Variants in CSGALNACT1 observed in about 807,000 individuals in gnomAD.
CSGALNACT1 encodes the protein chondroitin sulfate N-acetylgalactosaminyltransferase 1.
CSGALNACT1 carries 52 observed loss-of-function variants against 51.0 expected under a neutral mutation model. The ratio of observed to expected loss-of-function variants is 1.02; its 90% CI spans 0.82 to 1.29. The LOEUF is 1.29. Ranked by LOEUF, CSGALNACT1 falls within the 50% of genes most tolerant of loss-of-function variation. The pLI is 0.00. For missense variants in CSGALNACT1, 935 were observed against 679.2 expected, an observed-to-expected ratio of 1.38 and a Z score of -4.19; for synonymous variants, 341 against 254.4, an observed-to-expected ratio of 1.34 and a Z score of -3.24.
chr8:19,686,732 G>A, upstream of CSGALNACT1, among the ~76,000 whole-genome samples: 1 of 152,146 alleles, frequency 6.6e-6, no homozygotes. Context: ...GGACAGGGAG[G>A]GAACATTCAG....
At chr8:19,648,404 G>C (rs2057470594) in intron 1 of CSGALNACT1, among the ~76,000 whole-genome samples, 1 of 152,204 alleles carries the variant, frequency 6.6e-6, no homozygotes, top group Admixed American at 6.5e-5. Context: ...TATAAAATTA[G>C]AGCCTACACT....
intron 5 of CSGALNACT1, among the ~76,000 whole-genome samples, chr8:19,452,205 G>A (rs945545563): frequency 2.0e-5 from 3 of 152,196 alleles, no homozygotes; most frequent in Non-Finnish European, 4.4e-5. Context: ...AGGGAAGCTC[G>A]TTGGCGAGAA....
At chr8:19,653,416 T>C (rs984120533) in intron 1 of CSGALNACT1, among the ~76,000 whole-genome samples, 1 of 152,148 alleles carries the variant, frequency 6.6e-6, no homozygotes, top group Non-Finnish European at 1.5e-5. Flanking sequence ...CATGGCCTGT[T>C]GTGTGCCTCA....
rs115407180 is a variant in CSGALNACT1, at chr8:19,558,562, T to C, written c.-297+32598A>G. Among the ~76,000 whole-genome samples, 1,426 of 152,308 alleles carry C rather than the reference T, an allele frequency of 9.4e-3. 17 individuals are homozygous for C. The highest frequency in any genetic ancestry group is 0.032 in the African/African-American group (1,330 of 41,564). ...AGCTAATTAACATAAATCGAAATTA[T>C]ATCCTGTATTTTATATCATGTGGGT... On this transcript the variant is annotated intron_variant, in intron 3 of 9. Transcript: ENST00000454498.
intron 1 of CSGALNACT1, among the ~76,000 whole-genome samples, chr8:19,659,208 C>G (rs17128812): frequency 2.0e-5 from 3 of 152,128 alleles, no homozygotes; most frequent in African/African-American, 7.2e-5. Flanking sequence ...GCTCAGTATA[C>G]GTAGCATTTC....
At chr8:19,653,885 C>T (rs181203863) in intron 1 of CSGALNACT1, among the ~76,000 whole-genome samples, 48 of 152,278 alleles carry the variant, frequency 3.2e-4, no homozygotes, top group African/African-American at 1.1e-3. Flanking sequence ...CACATCTCCC[C>T]TTAGTTATCA....
At chr8:19,729,458 G>C (rs1257245693) in intron 1 of CSGALNACT1, among the ~76,000 whole-genome samples, 3 of 152,164 alleles carry the variant, frequency 2.0e-5, no homozygotes, top group African/African-American at 7.2e-5. Flanking sequence ...ATGCAGAATG[G>C]TCTGCCTTGT....
chr8:19,541,341 C>T (rs1011266029), intron 3 of CSGALNACT1, among the ~76,000 whole-genome samples: 2 of 149,936 alleles, frequency 1.3e-5, no homozygotes, highest in African/African-American at 4.9e-5. Flanking sequence ...AGCTCTGCCT[C>T]CTGGGTTCAT....
intron 1 of CSGALNACT1, among the ~76,000 whole-genome samples, chr8:19,701,341 A>G (rs1441707421): frequency 6.6e-6 from 1 of 150,904 alleles, no homozygotes; most frequent in Non-Finnish European, 1.5e-5. Flanking sequence ...TTTAGTAGAC[A>G]AGGGGTTTCA....
At chr8:19,412,612 C>G (rs1380320816) in intron 8 of CSGALNACT1, among the ~76,000 whole-genome samples, 1 of 152,222 alleles carries the variant, frequency 6.6e-6, no homozygotes, top group African/African-American at 2.4e-5. Context: ...CGCCCGTTAG[C>G]AGGGCCGGCT....
At chr8:19,635,125 C>T (rs1341536449) in intron 1 of CSGALNACT1, among the ~76,000 whole-genome samples, 1 of 152,208 alleles carries the variant, frequency 6.6e-6, no homozygotes, top group Non-Finnish European at 1.5e-5. Context: ...TGTTTACCTC[C>T]TCCTTCACTG....
At chr8:19,586,254 G>T (rs1315430190) in intron 3 of CSGALNACT1, among the ~76,000 whole-genome samples, 1 of 152,042 alleles carries the variant, frequency 6.6e-6, no homozygotes, top group African/African-American at 2.4e-5. Context: ...AGCTACTTGG[G>T]AGGCTGAAGC....
At chr8:19,625,629 T>C (rs1285261195) in intron 1 of CSGALNACT1, among the ~76,000 whole-genome samples, 1 of 152,200 alleles carries the variant, frequency 6.6e-6, no homozygotes, top group Non-Finnish European at 1.5e-5. Flanking sequence ...GTTCCCAAGC[T>C]GACTCTATAC....
At chr8:19,641,306 A>C (rs1055094564) in intron 1 of CSGALNACT1, among the ~76,000 whole-genome samples, 2 of 152,042 alleles carry the variant, frequency 1.3e-5, no homozygotes, top group African/African-American at 4.8e-5. Context: ...CTCCAGTGAT[A>C]ACAGATGGAA....
At chr8:19,456,446 T>C (rs1271035939) in intron 5 of CSGALNACT1, among the ~76,000 whole-genome samples, 1 of 152,222 alleles carries the variant, frequency 6.6e-6, no homozygotes, top group Non-Finnish European at 1.5e-5. Context: ...GCATTCTAGC[T>C]GCTGAGAGTA....
chr8:19,633,572 G>A lies in CSGALNACT1; in HGVS notation c.-543-31707C>T, dbSNP rs1233441221. On this transcript the variant is annotated intron_variant, in intron 1 of 9. Transcript: ENST00000332246. The stretch of plus-strand genomic sequence containing the variant: ...GAAAATGTGACAGCAAAGAGAGACT[G>A]CAGAGATGCAGCTGCAAAGCAAGGA... 2.6e-5 allele frequency among the ~76,000 whole-genome samples: 4 copies of A among 152,220 alleles called. No homozygotes were observed. The East Asian group carries it at 5.8e-4, about 22-fold the overall frequency.
intron 1 of CSGALNACT1, among the ~76,000 whole-genome samples, chr8:19,644,310 C>T (rs946339853): frequency 6.0e-5 from 9 of 151,070 alleles, no homozygotes; most frequent in Admixed American, 1.3e-4. Context: ...GGATTTTCTA[C>T]ATTTTCCATA....
chr8:19,682,567 G>A, exon 1 of CSGALNACT1: 1 of 450,472 alleles, frequency 2.2e-6, no homozygotes, highest in Non-Finnish European at 4.5e-6. Context: ...CTACTCCCAG[G>A]GTTTCCACCT....
intron 6 of CSGALNACT1, among the ~76,000 whole-genome samples, chr8:19,425,819 C>T (rs967392532): frequency 6.6e-6 from 1 of 152,192 alleles, no homozygotes. Context: ...TATCTTCTCA[C>T]TGTTCTCTTC....
Sources: gnomAD v4.1 joint callset for allele counts (sites outside exome capture counted in the v4.1 genomes callset) on GRCh38, gnomAD v4.1.1 for gene constraint, MANE v1.5 for transcripts, NCBI Gene and HGNC (gene_info 2026-07-23, HGNC 2026-07-21) for gene names.